Variants in DIS3 observed in about 807,000 individuals in gnomAD.
DIS3 encodes the protein DIS3 exosome endoribonuclease and 3'-5' exoribonuclease, also known as exosome complex exonuclease RRP44.
Under a neutral mutation model 113.0 loss-of-function variants are expected in DIS3, and 103 were observed. The ratio of observed to expected loss-of-function variants is 0.91; its 90% CI spans 0.78 to 1.07. DIS3 has a LOEUF of 1.07. DIS3 is among the 50% of genes least tolerant of loss of function. The probability of loss-of-function intolerance (pLI) is 0.00; values close to 1 mark genes in which losing one functional copy is unlikely to be tolerated. For synonymous variants in DIS3, 402 were observed against 394.3 expected (o/e 1.02, Z -0.23); for missense variants, 1,121 against 1,167.1 (o/e 0.96, Z 0.58).
chr13:72,775,084 T>A, intron 6 of DIS3, 127 bp downstream of exon 6: 1 of 1,006,758 alleles, frequency 9.9e-7, no homozygotes, highest in Non-Finnish European at 1.4e-6. Context: ...GTGTATGACA[T>A]GCGTTAAATA....
rs1477336902 is a variant in DIS3, at chr13:72,754,254, T to A, written c.*5541A>T. 1 of 158,100 alleles carries A rather than the reference T, an allele frequency of 6.3e-6. No individual in the cohort carries two copies. The highest frequency in any genetic ancestry group is 2.4e-5 in the African/African-American group (1 of 41,492). 9.8% of individuals were successfully genotyped at this position (158,100 alleles called of 1,614,324 possible). A position where few individuals can be genotyped will look rare whatever the true frequency, so the allele number is the denominator to read the frequency against. ...GTCTTTCTGCCTCAGCCTCGCAAAG[T>A]GCTGCGCGATTACAGGCATGAGCCA... On this transcript the variant is annotated 3_prime_UTR_variant, in exon 21 of 21. Coordinates refer to ENST00000377767, the MANE Select transcript of DIS3 (RefSeq NM_014953.5).
At position 72,761,945 on chromosome 13, in the gene DIS3, G is replaced by A; in HGVS notation, c.2320C>T (p.His774Tyr). ...HYGLASPIYTHFTSPIRRYAD... is the reference protein window; with the variant it reads ...HYGLASPIYTYFTSPIRRYAD... ...TACCTTCTAATGGGTGAAGTAAAATGTGTGTATATTGGAGACGCTAAGCCA... is the reference window on the plus strand; with the variant it reads ...TACCTTCTAATGGGTGAAGTAAAATATGTGTATATTGGAGACGCTAAGCCA... The change falls in exon 17 of 21, where the codon CAT (histidine) becomes TAT (tyrosine). Residue 774 changes from histidine (H) to tyrosine (Y), a missense_variant. By Grantham distance (83) the His-to-Tyr change is moderately conservative (BLOSUM62 2). Transcript: ENST00000377767. The A allele has an allele frequency of 6.2e-7, 1 of 1,614,100 alleles. No homozygotes were observed. Among genetic ancestry groups the A allele is most frequent in the Non-Finnish European group, 8.5e-7 (1 of 1,180,014 alleles).
In DIS3 at chr13:72,770,968, C is replaced by A; in HGVS notation, c.1691G>T (p.Trp564Leu). 6.3e-7 allele frequency: 1 copy of A among 1,598,980 alleles called. No individual in the cohort carries two copies. The highest frequency in any genetic ancestry group is 8.5e-7 in the Non-Finnish European group (1 of 1,171,832). ...DVDRLAFSCI[W>L]EMNHNAEILK... ...GATTTCAGCATTGTGATTCATTTCC[C>A]AAATACATGAAAATGCCAGCCTGTG... The change falls in exon 13 of 21, where the codon TGG becomes TTG. Residue 564 changes from tryptophan (W) to leucine (L), a missense_variant. Physicochemically the swap from Trp to Leu is moderately conservative, Grantham distance 61. Coordinates refer to ENST00000377767, the MANE Select transcript of DIS3 (RefSeq NM_014953.5).
chr13:72,779,260 G>A (rs2034096482), intron 2 of DIS3, among the ~76,000 whole-genome samples: 1 of 151,474 alleles, frequency 6.6e-6, no homozygotes, highest in Non-Finnish European at 1.5e-5. Flanking sequence ...GCTGGGACTA[G>A]AGGCATGTAC....
Position 72,753,739 on chromosome 13 carries a change from C to T in DIS3, c.*6056G>A. 6.2e-7 allele frequency: 1 copy of T among 1,613,352 alleles called. No individual in the cohort carries two copies. Among genetic ancestry groups the T allele is most frequent in the Non-Finnish European group, 8.5e-7 (1 of 1,179,556 alleles). On this transcript the variant is annotated 3_prime_UTR_variant, in exon 21 of 21. Transcript: ENST00000377767. ...AATTGTGGAAGCAATATTATGGATA[C>T]AGTTGGGGCAGAAAGTTACTGCAAA...
chr13:72,761,669 C>G lies in DIS3; in HGVS notation c.2488G>C (p.Ala830Pro). 2.5e-6 allele frequency: 4 copies of G among 1,607,698 alleles called. No homozygotes were observed. Among genetic ancestry groups the G allele is most frequent in the Non-Finnish European group, 3.4e-6 (4 of 1,178,416 alleles). Residue 830 changes from alanine to proline, a missense_variant, in exon 18 of 21, where the codon GCA becomes CCA. Physicochemically the swap from Ala to Pro is conservative, Grantham distance 27 (BLOSUM62 -1). Coordinates refer to ENST00000377767, the MANE Select transcript of DIS3 (RefSeq NM_014953.5). Reference protein sequence around the residue: ...RHKMAQYAQRASVAFHTQLFF... With the variant: ...RHKMAQYAQRPSVAFHTQLFF... ...ACCTGGGTATGAAAAGCCACTGATG[C>G]ACGTTGGGCATATTGAGCCATTTTG...
At chr13:72,765,903 G>T in intron 15 of DIS3, 69 bp downstream of exon 15, 2 of 1,079,816 alleles carry the variant, frequency 1.9e-6, no homozygotes, top group Non-Finnish European at 2.6e-6. Flanking sequence ...TTCATTATTT[G>T]TACTTACAGT....
chr13:72,776,414 C>A (rs1012370611), intron 4 of DIS3, among the ~76,000 whole-genome samples: 1 of 151,908 alleles, frequency 6.6e-6, no homozygotes, highest in African/African-American at 2.4e-5. Flanking sequence ...AACTAAGTGG[C>A]TACATATTAG....
At chr13:72,761,325 C>T (rs372061894) in intron 19 of DIS3, 38 bp downstream of exon 19, 71 of 1,560,040 alleles carry the variant, frequency 4.6e-5, no homozygotes, top group African/African-American at 2.7e-4. Context: ...AGAAAAAGTG[C>T]CCCCCGGAAA....
rs2033377194 is a variant in DIS3 at position 72,754,291 on chromosome 13, CT to C, written c.*5503del. On this transcript the variant is annotated 3_prime_UTR_variant, in exon 21 of 21. Transcript: ENST00000377767. ...ACAGGCATGAGCCAACATGCCCAGC[CT>C]TGTATGCCGTTTCTTTTTTTTCTTT... 6.4e-6 allele frequency: 1 copy of C among 156,546 alleles called. No homozygotes were observed. Among genetic ancestry groups the C allele is most frequent in the Non-Finnish European group, 1.4e-5 (1 of 72,052 alleles). 9.7% of individuals were successfully genotyped at this position (156,546 alleles called of 1,614,324 possible). A position where few individuals can be genotyped will look rare whatever the true frequency, so the allele number is the denominator to read the frequency against.
Position 72,760,584 on chromosome 13 carries a change from A to G in DIS3, c.2738T>C (p.Leu913Ser). 2 of 1,613,592 alleles carry G rather than the reference A, an allele frequency of 1.2e-6. No individual in the cohort carries two copies. Among genetic ancestry groups the G allele is most frequent in the Non-Finnish European group, 1.7e-6 (2 of 1,179,632 alleles). Residue 913 changes from leucine to serine, a missense_variant, in exon 20 of 21, where the codon TTA becomes TCA. By Grantham distance (145) the Leu-to-Ser change is moderately radical (BLOSUM62 -2). Coordinates refer to ENST00000377767, the MANE Select transcript of DIS3 (RefSeq NM_014953.5). ...CTGATGTTGAAGATTAGATGAGTCT[A>G]ACATGATTTTCACTTTAACTTTATC... ...VFDKVKVKIM[L>S]DSSNLQHQKI...
intron 9 of DIS3, 144 bp downstream of exon 9, chr13:72,772,549 T>G: frequency 1.1e-6 from 1 of 918,302 alleles, no homozygotes; most frequent in Non-Finnish European, 1.6e-6. Flanking sequence ...ACTTCTTCTA[T>G]AATTCCTAAG....
At chr13:72,775,523 T>C (rs2033992791) in intron 5 of DIS3, 148 bp from the exon 6 acceptor site, 1 of 1,006,420 alleles carries the variant, frequency 9.9e-7, no homozygotes, top group African/African-American at 1.7e-5. Context: ...CTCTATTGTG[T>C]CCCTAATTCC....
In DIS3 at chr13:72,772,262, C is replaced by T. The variant is rs201674523; in HGVS notation, c.1400G>A (p.Arg467Gln). 2.7e-5 allele frequency: 43 copies of T among 1,611,386 alleles called. No homozygotes were observed. The highest frequency in any genetic ancestry group is 4.4e-5 in the South Asian group (4 of 90,864). The change falls in exon 10 of 21, where the codon CGA becomes CAA. Residue 467 changes from arginine to glutamine, a missense_variant. Around this residue, in one of 3 missense-constraint regions of DIS3, gnomAD observed 861 missense variants for 915.5 expected, o/e 0.94. Transcript: ENST00000377767. ...WSITEKDMKN[R>Q]EDLRHLCICS... is the part of the protein sequence containing the mutation. ...AATACACAGATGCCTCAGGTCTTCT[C>T]GGTTTTTCATGTCCTAGAAGACATG... is the stretch of plus-strand genomic sequence containing the variant.
intron 14 of DIS3, among the ~76,000 whole-genome samples, chr13:72,766,796 G>A (rs2138175499): frequency 6.6e-6 from 1 of 152,228 alleles, no homozygotes; most frequent in Admixed American, 6.5e-5. Context: ...AAATTTTAAT[G>A]AGACTGGGCA....
chr13:72,773,536 C>T (rs1441256013), intron 8 of DIS3, 148 bp downstream of exon 8: 7 of 770,780 alleles, frequency 9.1e-6, no homozygotes, highest in Non-Finnish European at 1.4e-5. Flanking sequence ...TCAAAGTAGA[C>T]ATGCTACTTA....
chr13:72,767,639 CTA>C (rs1446224325), intron 14 of DIS3, among the ~76,000 whole-genome samples: 3 of 152,186 alleles, frequency 2.0e-5, no homozygotes, highest in Non-Finnish European at 2.9e-5. Context: ...TGGAAATGTT[CTA>C]TGTGTGCCCT....
rs76698610 is a variant in DIS3 at position 72,773,721 on chromosome 13, G to A, written c.1202C>T (p.Ala401Val). 2,689 of 1,612,744 alleles carry A rather than the reference G, an allele frequency of 1.7e-3. 7 individuals carry two copies. The highest frequency in any genetic ancestry group is 2.0e-3 in the South Asian group (185 of 90,480). ...GGAATTTCTGGGCCAACCATCAATA[G>A]CAACAATAATTCTCCGTCCTTCTAA... ...STLEGRRIIV[A>V]IDGWPRNSRY... Residue 401 changes from alanine (A) to valine (V), a missense_variant, in exon 8 of 21, where the codon GCT becomes GTT. By Grantham distance (64) the Ala-to-Val change is moderately conservative (BLOSUM62 0). This residue lies in a region of DIS3 where 861 missense variants were observed against 915.5 expected (regional missense o/e 0.94). Coordinates refer to ENST00000377767, the MANE Select transcript of DIS3 (RefSeq NM_014953.5).
Position 72,773,743 on chromosome 13 carries a change from C to T in DIS3, c.1180G>A (p.Glu394Lys), listed in dbSNP as rs372805924. 5.6e-6 allele frequency: 9 copies of T among 1,613,876 alleles called. No homozygotes were observed. Among genetic ancestry groups the T allele is most frequent in the Non-Finnish European group, 6.8e-6 (8 of 1,179,978 alleles). ...ATAGCAACAATAATTCTCCGTCCTTCTAATGTGGAAGCCTGTCTGGTTTCT... is the reference window on the plus strand; with the variant it reads ...ATAGCAACAATAATTCTCCGTCCTTTTAATGTGGAAGCCTGTCTGGTTTCT... The part of the protein sequence containing the change: ...RIETRQASTL[E>K]GRRIIVAIDG... Residue 394 changes from glutamate (E) to lysine (K), a missense_variant, in exon 8 of 21, where the codon GAA becomes AAA. By Grantham distance (56) the Glu-to-Lys change is moderately conservative. Around this residue, in one of 3 missense-constraint regions of DIS3, gnomAD observed 861 missense variants for 915.5 expected, o/e 0.94. Transcript: ENST00000377767.
Sources: gnomAD v4.1 joint callset for allele counts (sites outside exome capture counted in the v4.1 genomes callset) on GRCh38, gnomAD v4.1.1 for gene constraint, gnomAD v4.1.1 regional missense constraint, MANE v1.5 for transcripts, NCBI Gene and HGNC (gene_info 2026-07-23, HGNC 2026-07-21) for gene names.